Variants in PDIA5 observed in about 807,000 individuals in gnomAD.
The protein encoded by PDIA5 is protein disulfide-isomerase A5.
Under a neutral mutation model 77.6 loss-of-function variants are expected in PDIA5, and 58 were observed. That is an observed-to-expected ratio of 0.75 (90% CI 0.61 to 0.93). The LOEUF (loss-of-function observed/expected upper bound fraction) is 0.93. Among genes scored for constraint, PDIA5 ranks in the 40% least tolerant of loss-of-function variants. The pLI is 0.00. For missense variants in PDIA5, 630 were observed against 647.7 expected (o/e 0.97, Z 0.30); for synonymous variants, 250 against 252.1 (o/e 0.99, Z 0.08).
At chr3:123,153,507 G>A (rs2673341) in intron 14 of PDIA5, among the ~76,000 whole-genome samples, 66,722 of 152,022 alleles carry the variant, frequency 0.44, 14,962 homozygotes, top group South Asian at 0.53. Flanking sequence ...TTCCATTTTA[G>A]GCTATTAAAA....
At chr3:123,112,534 CTTTTTTTTTTTT>C (rs55977938) in intron 7 of PDIA5, among the ~76,000 whole-genome samples, 17 of 61,454 alleles carry the variant, frequency 2.8e-4, no homozygotes, top group East Asian at 5.7e-4. Context: ...CAGCCCTATT[CTTTTTTTTTTTT>C]TTTTTTTTTT....
intron 6 of PDIA5, among the ~76,000 whole-genome samples, chr3:123,107,119 A>G (rs1316821844): frequency 1.3e-5 from 2 of 152,198 alleles, no homozygotes; most frequent in East Asian, 3.8e-4. Context: ...ACATTAATGT[A>G]GATTTAAATG....
At chr3:123,071,623 G>T (rs971787468) in intron 1 of PDIA5, among the ~76,000 whole-genome samples, 4 of 152,226 alleles carry the variant, frequency 2.6e-5, no homozygotes, top group Non-Finnish European at 5.9e-5. Flanking sequence ...GGCATATAAG[G>T]TGGAAGTGTG....
Position 123,110,842 on chromosome 3 carries a change from T to A in PDIA5, c.481-102T>A, listed in dbSNP as rs1031284511. 1.7e-5 allele frequency: 17 copies of A among 972,106 alleles called. No homozygotes were observed. The African/African-American group carries it at 1.9e-4, about 11-fold the overall frequency. 60.2% of individuals were successfully genotyped at this position (972,106 alleles called of 1,614,324 possible). A position where few individuals can be genotyped will look rare whatever the true frequency, so the allele number is the denominator to read the frequency against. ...GTGCTCACTCCCCCTCCCCTCCCCA[T>A]CCCTACCCTTCACCCTGCTGTATGC... On this transcript the variant is annotated intron_variant, in intron 6 of 16. Coordinates refer to ENST00000316218, the MANE Select transcript of PDIA5 (RefSeq NM_006810.4).
At chr3:123,149,981 A>G (rs1445448598) in intron 13 of PDIA5, among the ~76,000 whole-genome samples, 1 of 152,052 alleles carries the variant, frequency 6.6e-6, no homozygotes, top group Non-Finnish European at 1.5e-5. Context: ...CCTGACCTGA[A>G]ATGGTGTCAA....
At chr3:123,122,835 GT>G (rs2107956286) in intron 8 of PDIA5, among the ~76,000 whole-genome samples, 1 of 152,310 alleles carries the variant, frequency 6.6e-6, no homozygotes, top group East Asian at 1.9e-4. Context: ...ATTCAGTAAA[GT>G]TCAGCTTCCT....
intron 1 of PDIA5, among the ~76,000 whole-genome samples, chr3:123,076,549 T>C (rs1335069139): frequency 6.6e-6 from 1 of 152,226 alleles, no homozygotes; most frequent in Non-Finnish European, 1.5e-5. Flanking sequence ...GGTTGAGACC[T>C]GAAGGGTGGA....
At chr3:123,100,850 G>T (rs1447477994) in intron 3 of PDIA5, among the ~76,000 whole-genome samples, 1 of 152,232 alleles carries the variant, frequency 6.6e-6, no homozygotes, top group Admixed American at 6.5e-5. Context: ...GATGGCTGTT[G>T]GTGGAGGTGA....
At chr3:123,084,521 GGTC>G (rs1227182156) in intron 1 of PDIA5, among the ~76,000 whole-genome samples, 3 of 152,078 alleles carry the variant, frequency 2.0e-5, no homozygotes, top group Non-Finnish European at 4.4e-5. Flanking sequence ...CTCTGAGCCC[GGTC>G]CGTGGGGACT....
intron 13 of PDIA5, among the ~76,000 whole-genome samples, chr3:123,148,446 A>G (rs1010413145): frequency 1.3e-5 from 2 of 151,956 alleles, no homozygotes; most frequent in Non-Finnish European, 1.5e-5. Context: ...GTGTGCGCCT[A>G]TAGTCCCAGC....
intron 13 of PDIA5, among the ~76,000 whole-genome samples, chr3:123,147,756 C>T (rs947490124): frequency 1.3e-5 from 2 of 152,338 alleles, no homozygotes; most frequent in East Asian, 3.9e-4. Flanking sequence ...CTTGCTTACC[C>T]CTCAAGGCCT....
At chr3:123,072,869 T>C (rs1468994491) in intron 1 of PDIA5, among the ~76,000 whole-genome samples, 1 of 151,548 alleles carries the variant, frequency 6.6e-6, no homozygotes, top group Non-Finnish European at 1.5e-5. Flanking sequence ...TTCTTCCACA[T>C]AACCTGGACT....
At chr3:123,082,456 G>A (rs551416470) in intron 1 of PDIA5, among the ~76,000 whole-genome samples, 2 of 152,234 alleles carry the variant, frequency 1.3e-5, no homozygotes, top group South Asian at 4.2e-4. Context: ...AGGGGTAAAC[G>A]AGTTAGTGGG....
chr3:123,161,517 A>G, intron 16 of PDIA5, 62 bp downstream of exon 16: 2 of 1,558,064 alleles, frequency 1.3e-6, no homozygotes, highest in Non-Finnish European at 1.7e-6. Context: ...GGAAACTTCC[A>G]CTGAGGAGGG....
chr3:123,094,065 T>C (rs1934370072), intron 3 of PDIA5, among the ~76,000 whole-genome samples: 1 of 152,162 alleles, frequency 6.6e-6, no homozygotes, highest in Non-Finnish European at 1.5e-5. Context: ...TTTGGAAACA[T>C]GATGTCTAGA....
chr3:123,159,250 A>G (rs1451118381), intron 15 of PDIA5, among the ~76,000 whole-genome samples: 1 of 152,226 alleles, frequency 6.6e-6, no homozygotes, highest in Non-Finnish European at 1.5e-5. Context: ...GCAGGGAAGG[A>G]AAGTATGTGG....
intron 8 of PDIA5, among the ~76,000 whole-genome samples, chr3:123,116,777 G>A (rs1935006533): frequency 6.6e-6 from 1 of 152,202 alleles, no homozygotes; most frequent in Non-Finnish European, 1.5e-5. Context: ...TGTGGGGCGG[G>A]AAGAACGGTG....
intron 14 of PDIA5, among the ~76,000 whole-genome samples, chr3:123,154,681 C>T (rs1268070570): frequency 6.6e-6 from 1 of 152,174 alleles, no homozygotes; most frequent in East Asian, 1.9e-4. Flanking sequence ...GGCTGTTCCT[C>T]GTCCTCTGTG....
chr3:123,102,902 T>C (rs1408724524), intron 5 of PDIA5, 106 bp downstream of exon 5: 1 of 749,206 alleles, frequency 1.3e-6, no homozygotes, highest in Non-Finnish European at 2.4e-6. Context: ...CACAAATAGC[T>C]CTTCTAAATG....
Sources: gnomAD v4.1 joint callset for allele counts (sites outside exome capture counted in the v4.1 genomes callset) on GRCh38, gnomAD v4.1.1 for gene constraint, MANE v1.5 for transcripts, NCBI Gene and HGNC (gene_info 2026-07-23, HGNC 2026-07-21) for gene names.